Variants in RFX3 observed in about 807,000 individuals in gnomAD.
RFX3 encodes regulatory factor X3.
In RFX3, 14 loss-of-function variants were observed where a neutral mutation model predicts 98.6. That is an observed-to-expected ratio of 0.14 (90% confidence interval 0.09 to 0.22). The LOEUF is 0.22. RFX3 is among the 10% of genes least tolerant of loss of function. The pLI is 1.00. For synonymous variants in RFX3, 383 were observed against 328.4 expected (o/e 1.17, Z -1.80); for missense variants, 639 against 926.9 (o/e 0.69, Z 4.03).
intron 2 of RFX3, among the ~76,000 whole-genome samples, chr9:3,391,388 C>A (rs530181685): frequency 1.3e-5 from 2 of 152,142 alleles, no homozygotes; most frequent in South Asian, 4.1e-4. Context: ...TCTGGGAGGA[C>A]AACATAACAA....
At chr9:3,266,183 G>A in intron 12 of RFX3, 25 bp downstream of exon 12, 1 of 1,400,552 alleles carries the variant, frequency 7.1e-7, no homozygotes, top group Non-Finnish European at 1.0e-6. Flanking sequence ...CAACACAAAA[G>A]AAAAAGCAAG....
At chr9:3,462,792 G>GC (rs1175760847) in intron 1 of RFX3, among the ~76,000 whole-genome samples, 1 of 151,904 alleles carries the variant, frequency 6.6e-6, no homozygotes, top group Admixed American at 6.6e-5. Flanking sequence ...TGCATTGCTA[G>GC]CATTACAATA....
intron 15 of RFX3, among the ~76,000 whole-genome samples, chr9:3,232,858 GAGAC>G (rs1400649688): frequency 6.6e-6 from 1 of 152,014 alleles, no homozygotes; most frequent in Admixed American, 6.5e-5. Context: ...GGAACAGAGA[GAGAC>G]AGACAGAGAG....
At chr9:3,235,170 T>C (rs1414442926) in intron 15 of RFX3, among the ~76,000 whole-genome samples, 3 of 152,206 alleles carry the variant, frequency 2.0e-5, no homozygotes, top group Non-Finnish European at 4.4e-5. Context: ...GTTATTCAGG[T>C]GGGGCAAGCT....
chr9:3,301,458 A>G (rs935537443), intron 5 of RFX3, 88 bp downstream of exon 5: 33 of 883,732 alleles, frequency 3.7e-5, no homozygotes, highest in African/African-American at 5.0e-5. Flanking sequence ...CAAAATAAAT[A>G]AGTAAATAAA....
At chr9:3,514,442 G>GT (rs753404599) in intron 1 of RFX3, among the ~76,000 whole-genome samples, 1 of 150,836 alleles carries the variant, frequency 6.6e-6, no homozygotes, top group Non-Finnish European at 1.5e-5. Context: ...ACCAAGTTGT[G>GT]TTTTGTTTTG....
intron 4 of RFX3, among the ~76,000 whole-genome samples, chr9:3,322,792 T>C (rs1249983994): frequency 6.6e-6 from 1 of 152,214 alleles, no homozygotes; most frequent in African/African-American, 2.4e-5. Context: ...GTTATAGTTT[T>C]TAATTTCATT....
rs766045889 is a variant in RFX3, at chr9:3,223,543, C to T, written c.*1499G>A. The T allele has an allele frequency of 1.3e-5, 2 of 152,148 alleles. No individual in the cohort carries two copies. The highest frequency in any genetic ancestry group is 3.9e-4 in the East Asian group (2 of 5,192). 9.4% of individuals were successfully genotyped at this position (152,148 alleles called of 1,614,324 possible). A position where few individuals can be genotyped will look rare whatever the true frequency, so the allele number is the denominator to read the frequency against. On this transcript the variant is annotated 3_prime_UTR_variant, in exon 17 of 17. Transcript: ENST00000617270. ...GTTAACAAGTTGGTATTAAAACTAG[C>T]CTGCTATTCCACACCCTTAAGCAAT... is the stretch of plus-strand genomic sequence containing the variant.
intron 2 of RFX3, among the ~76,000 whole-genome samples, chr9:3,356,994 C>G (rs1835856049): frequency 6.6e-6 from 1 of 150,968 alleles, no homozygotes; most frequent in Admixed American, 6.6e-5. Context: ...CACACACACA[C>G]ACACTCAGTA....
chr9:3,460,283 T>C (rs1847570102), intron 1 of RFX3, among the ~76,000 whole-genome samples: 1 of 152,076 alleles, frequency 6.6e-6, no homozygotes, highest in Non-Finnish European at 1.5e-5. Flanking sequence ...ACAAATTAAA[T>C]TATATGTTAC....
intron 2 of RFX3, among the ~76,000 whole-genome samples, chr9:3,354,576 G>C (rs1835526948): frequency 6.6e-6 from 1 of 151,730 alleles, no homozygotes; most frequent in East Asian, 1.9e-4. Flanking sequence ...CTTTAAAGTA[G>C]TGACAGAAAA....
At chr9:3,364,090 G>A (rs113810857) in intron 2 of RFX3, among the ~76,000 whole-genome samples, 10,212 of 152,218 alleles carry the variant, frequency 0.067, 474 homozygotes, top group Non-Finnish European at 0.1. Flanking sequence ...TGGGCAGGAT[G>A]GTCTTCATCT....
At chr9:3,515,409 G>C (rs948137106) in intron 1 of RFX3, among the ~76,000 whole-genome samples, 18 of 152,080 alleles carry the variant, frequency 1.2e-4, no homozygotes, top group African/African-American at 4.3e-4. Context: ...TATTACAGTA[G>C]GTAAGGAAAG....
chr9:3,219,685 T>A lies in RFX3; in HGVS notation c.*5357A>T, dbSNP rs942617741. On this transcript the variant is annotated 3_prime_UTR_variant, in exon 17 of 17. Transcript: ENST00000617270. ...ATCACTAGCAGCAATGATCAAGGCA[T>A]GCAAACTGAGAAGCATTTACAGTAA... The A allele has an allele frequency of 6.6e-6, 1 of 152,140 alleles. No individual in the cohort carries two copies. Among genetic ancestry groups the A allele is most frequent in the African/African-American group, 2.4e-5 (1 of 41,438 alleles). The allele number at this position is 152,140 out of a possible 1,614,324, so 9.4% of individuals were successfully genotyped here.
chr9:3,372,438 T>C (rs1416723927), intron 2 of RFX3, among the ~76,000 whole-genome samples: 1 of 152,176 alleles, frequency 6.6e-6, no homozygotes, highest in Non-Finnish European at 1.5e-5. Flanking sequence ...AATAAACTAC[T>C]TGTACTTAAA....
chr9:3,310,403 C>T (rs1244566807), intron 4 of RFX3, among the ~76,000 whole-genome samples: 1 of 152,070 alleles, frequency 6.6e-6, no homozygotes, highest in Non-Finnish European at 1.5e-5. Context: ...TATTTATTGT[C>T]TTTATAGGTC....
At chr9:3,420,929 C>A (rs1843385971) in intron 1 of RFX3, 2 of 983,670 alleles carry the variant, frequency 2.0e-6, no homozygotes, top group African/African-American at 3.5e-5. Flanking sequence ...GGATCTTTCT[C>A]ATCTGTAAAG....
At chr9:3,264,865 G>A (rs866580245) in intron 12 of RFX3, among the ~76,000 whole-genome samples, 36 of 152,188 alleles carry the variant, frequency 2.4e-4, no homozygotes, top group African/African-American at 7.2e-4. Context: ...CAATGAGATG[G>A]CCAACGTTGC....
intron 1 of RFX3, among the ~76,000 whole-genome samples, chr9:3,409,387 T>C (rs1306576305): frequency 6.6e-6 from 1 of 152,238 alleles, no homozygotes; most frequent in African/African-American, 2.4e-5. Flanking sequence ...ATATCAATGA[T>C]AAAATTGGCA....
Sources: gnomAD v4.1 joint callset for allele counts (sites outside exome capture counted in the v4.1 genomes callset) on GRCh38, gnomAD v4.1.1 for gene constraint, MANE v1.5 for transcripts, NCBI Gene and HGNC (gene_info 2026-07-23, HGNC 2026-07-21) for gene names.